Variants in ZNF644 observed in about 807,000 individuals in gnomAD.
ZNF644 encodes zinc finger motif enhancer binding protein 2.
ZNF644 carries 20 observed loss-of-function variants against 108.0 expected under a neutral mutation model. The ratio of observed to expected loss-of-function variants is 0.19; its 90% CI spans 0.13 to 0.27. ZNF644 has a LOEUF of 0.27. ZNF644 is among the 10% of genes least tolerant of loss of function. The pLI, the probability that ZNF644 is intolerant of heterozygous loss-of-function variation, is 1.00. For missense variants in ZNF644, 1,338 were observed against 1,548.9 expected, an observed-to-expected ratio of 0.86 and a Z score of 2.29; for synonymous variants, 542 against 539.1, an observed-to-expected ratio of 1.01 and a Z score of -0.08.
intron 1 of ZNF644, among the ~76,000 whole-genome samples, chr1:90,998,662 G>A (rs976362470): frequency 6.6e-6 from 1 of 152,334 alleles, no homozygotes. Context: ...CCAAAGGAAC[G>A]CAGCTCCTCG....
intron 1 of ZNF644, among the ~76,000 whole-genome samples, chr1:91,018,141 C>T (rs1419314137): frequency 2.6e-5 from 4 of 152,196 alleles, no homozygotes; most frequent in African/African-American, 9.7e-5. Flanking sequence ...CCCTCTGGGT[C>T]TCCTGTGATC....
intron 1 of ZNF644, chr1:91,021,046 T>C (rs1660858740): frequency 6.6e-6 from 1 of 152,216 alleles, no homozygotes; most frequent in Admixed American, 6.5e-5. Context: ...TCTGTAGAAG[T>C]CTCGTAACAA....
intron 1 of ZNF644, among the ~76,000 whole-genome samples, chr1:90,999,937 A>C (rs141198973): frequency 0.02 from 3,042 of 152,326 alleles, 81 homozygotes; most frequent in African/African-American, 0.069. Context: ...CAAAGAGACA[A>C]AGAAGGCCAT....
Position 90,941,016 on chromosome 1 carries a change from C to T in ZNF644, c.338G>A (p.Gly113Glu). ...TGAAACTGGTCCATTAACAGCAGCT[C>T]CTTTAGGCAAGATAAAGTTTTCACT... ...VSSENFILPK[G>E]AAVNGPVSHS... The change falls in exon 3 of 6, where the codon GGA becomes GAA. Residue 113 changes from glycine to glutamate, a missense_variant. Transcript: ENST00000337393. 12 of 1,614,058 alleles carry T rather than the reference C, an allele frequency of 7.4e-6. No homozygotes were observed. The highest frequency in any genetic ancestry group is 1.0e-5 in the Non-Finnish European group (12 of 1,179,956).
intron 2 of ZNF644, among the ~76,000 whole-genome samples, chr1:90,945,415 G>T (rs1469579286): frequency 6.6e-6 from 1 of 151,912 alleles, no homozygotes; most frequent in African/African-American, 2.4e-5. Flanking sequence ...AGCTATAACT[G>T]CCTCTAGTTA....
intron 2 of ZNF644, among the ~76,000 whole-genome samples, chr1:90,958,829 C>A (rs1654024119): frequency 1.3e-5 from 2 of 152,004 alleles, no homozygotes; most frequent in African/African-American, 4.8e-5. Flanking sequence ...CAAAATGGAC[C>A]AACAATCTGA....
intron 2 of ZNF644, among the ~76,000 whole-genome samples, chr1:90,960,317 C>T (rs1654202766): frequency 6.6e-6 from 1 of 152,096 alleles, no homozygotes; most frequent in Non-Finnish European, 1.5e-5. Context: ...TCCTGTTGCA[C>T]CTCAAGCTGC....
intron 1 of ZNF644, among the ~76,000 whole-genome samples, chr1:91,011,449 CATT>C (rs1366979944): frequency 3.9e-5 from 6 of 152,118 alleles, no homozygotes; most frequent in African/African-American, 1.2e-4. Flanking sequence ...CGTTTAACAA[CATT>C]ATAATACCCA....
intron 4 of ZNF644, among the ~76,000 whole-genome samples, chr1:90,921,419 C>G (rs1649426258): frequency 6.6e-6 from 1 of 151,950 alleles, no homozygotes; most frequent in Non-Finnish European, 1.5e-5. Context: ...CTCCAAGGAA[C>G]TTAAAAACAA....
At chr1:90,956,591 A>G (rs890564739) in intron 2 of ZNF644, among the ~76,000 whole-genome samples, 1 of 152,168 alleles carries the variant, frequency 6.6e-6, no homozygotes, top group Non-Finnish European at 1.5e-5. Context: ...TTAAAAAAGA[A>G]GATGTCAAAT....
Position 90,926,384 on chromosome 1 carries a change from T to C in ZNF644, c.3689-8230A>G, listed in dbSNP as rs931691363. ...CTATAATCTGTTGAATATGTATACTTAGCCAACCCATTCAACATAACTTCC... is the reference window on the plus strand; with the variant it reads ...CTATAATCTGTTGAATATGTATACTCAGCCAACCCATTCAACATAACTTCC... On this transcript the variant is annotated intron_variant, in intron 4 of 5. Coordinates refer to ENST00000337393, the MANE Select transcript of ZNF644 (RefSeq NM_201269.3). Among the ~76,000 whole-genome samples, 19 of 152,306 alleles carry C rather than the reference T, an allele frequency of 1.2e-4. No homozygotes were observed. The South Asian group carries it at 2.1e-3, about 17-fold the overall frequency.
chr1:90,999,999 A>T (rs942183586), intron 1 of ZNF644, among the ~76,000 whole-genome samples: 9 of 152,250 alleles, frequency 5.9e-5, no homozygotes, highest in Non-Finnish European at 1.2e-4. Context: ...TATCCTAAAT[A>T]TATATGCACC....
intron 4 of ZNF644, among the ~76,000 whole-genome samples, chr1:90,918,819 A>G (rs1398300456): frequency 6.6e-6 from 1 of 152,070 alleles, no homozygotes; most frequent in Non-Finnish European, 1.5e-5. Context: ...ATAATCAATT[A>G]TGCAATCATA....
intron 1 of ZNF644, 144 bp downstream of exon 1, chr1:91,021,846 A>G (rs531849337): frequency 5.5e-5 from 22 of 397,248 alleles, no homozygotes; most frequent in African/African-American, 4.3e-4. Flanking sequence ...GACCCAGCCT[A>G]GGGCGTAGCT....
chr1:90,936,824 C>T (rs1010013816), intron 4 of ZNF644, among the ~76,000 whole-genome samples: 1 of 152,150 alleles, frequency 6.6e-6, no homozygotes. Flanking sequence ...TATTGGTGCA[C>T]CAGCACTAAG....
chr1:91,012,313 A>G, intron 1 of ZNF644, among the ~76,000 whole-genome samples: 1 of 146,122 alleles, frequency 6.8e-6, no homozygotes, highest in East Asian at 2.1e-4. Context: ...TACTACCGAA[A>G]GAAAAAAAAA....
intron 2 of ZNF644, among the ~76,000 whole-genome samples, chr1:90,970,714 T>C (rs1454956371): frequency 6.6e-6 from 1 of 152,068 alleles, no homozygotes; most frequent in African/African-American, 2.4e-5. Context: ...GTGAAGCATA[T>C]ACAACCAAAT....
At chr1:90,960,631 G>C (rs1177800118) in intron 2 of ZNF644, among the ~76,000 whole-genome samples, 1 of 152,204 alleles carries the variant, frequency 6.6e-6, no homozygotes, top group African/African-American at 2.4e-5. Flanking sequence ...ACCCAATCTA[G>C]GACACATTTC....
At chr1:90,988,096 A>G (rs1487654842) in intron 1 of ZNF644, among the ~76,000 whole-genome samples, 1 of 152,134 alleles carries the variant, frequency 6.6e-6, no homozygotes, top group Non-Finnish European at 1.5e-5. Flanking sequence ...ATGCATTCAA[A>G]TTGGAAAGAA....
Sources: gnomAD v4.1 joint callset for allele counts (sites outside exome capture counted in the v4.1 genomes callset) on GRCh38, gnomAD v4.1.1 for gene constraint, MANE v1.5 for transcripts, NCBI Gene and HGNC (gene_info 2026-07-23, HGNC 2026-07-21) for gene names.